Variants in DNAAF9 observed in about 807,000 individuals in gnomAD.
DNAAF9 encodes the protein shulin.
In DNAAF9, 90 loss-of-function variants were observed where a neutral mutation model predicts 167.0. The ratio of observed to expected loss-of-function variants is 0.54; its 90% CI spans 0.45 to 0.64. DNAAF9 has a LOEUF of 0.64. Among genes scored for constraint, DNAAF9 ranks in the 30% least tolerant of loss-of-function variants. The pLI, the probability that DNAAF9 is intolerant of heterozygous loss-of-function variation, is 0.00. For missense variants in DNAAF9, 1,315 were observed against 1,442.2 expected, an observed-to-expected ratio of 0.91 and a Z score of 1.43; for synonymous variants, 491 against 508.8, an observed-to-expected ratio of 0.96 and a Z score of 0.47.
At chr20:3,311,825 A>AGAC (rs1395292610) in intron 20 of DNAAF9, among the ~76,000 whole-genome samples, 1 of 152,224 alleles carries the variant, frequency 6.6e-6, no homozygotes, top group Non-Finnish European at 1.5e-5. Context: ...GCCTGGCCAC[A>AGAC]GACAGCAGGG....
At chr20:3,324,371 G>A (rs1295096063) in intron 14 of DNAAF9, among the ~76,000 whole-genome samples, 1 of 152,064 alleles carries the variant, frequency 6.6e-6, no homozygotes, top group Non-Finnish European at 1.5e-5. Context: ...AAGTGGACTG[G>A]GTTCATGAAG....
intron 15 of DNAAF9, 121 bp downstream of exon 15, chr20:3,322,531 C>T: frequency 1.2e-6 from 1 of 862,198 alleles, no homozygotes; most frequent in African/African-American, 1.6e-5. Context: ...AAGCCCAACC[C>T]TGGAGTGATG....
intron 9 of DNAAF9, among the ~76,000 whole-genome samples, chr20:3,343,184 C>G (rs2070121480): frequency 6.6e-6 from 1 of 152,212 alleles, no homozygotes; most frequent in African/African-American, 2.4e-5. Flanking sequence ...TATTTAGAAA[C>G]AGAGTTTCAC....
Position 3,259,549 on chromosome 20 carries a change from G to A in DNAAF9, c.2986C>T (p.Gln996Ter). The change falls in exon 33 of 37, where the codon CAG (glutamine) becomes TAG (stop). Residue 996 changes from glutamine to a stop codon, truncating the protein, a stop_gained. Coordinates refer to ENST00000252032, the MANE Select transcript of DNAAF9 (RefSeq NM_001009984.3). LOFTEE classifies it high-confidence loss of function. ...AAGGGACTTGGCTTGATGGAGGACT[G>A]AATTGCTGGTGGAAGAAGAGGACAG... ...TRFVAKCKAI[Q>*]SSIKPSPFSG... 1 of 1,609,884 alleles carries A rather than the reference G, an allele frequency of 6.2e-7. No homozygotes were observed. The highest frequency in any genetic ancestry group is 8.5e-7 in the Non-Finnish European group (1 of 1,176,120).
chr20:3,392,118 G>A lies in DNAAF9; in HGVS notation c.84-9612C>T, dbSNP rs187503833. 2.5e-3 allele frequency among the ~76,000 whole-genome samples: 378 copies of A among 152,232 alleles called. 1 individual carries two copies. The highest frequency in any genetic ancestry group is 8.3e-3 in the African/African-American group (345 of 41,526). The stretch of plus-strand genomic sequence containing the variant: ...GAGCCCAGGAGTTCCAGGCTGCATT[G>A]ATTGCACCACTGCACTCAAGCCTGG... On this transcript the variant is annotated intron_variant, in intron 1 of 36. Transcript: ENST00000252032.
chr20:3,369,985 T>A (rs982186085), intron 6 of DNAAF9, among the ~76,000 whole-genome samples: 1 of 152,162 alleles, frequency 6.6e-6, no homozygotes, highest in Non-Finnish European at 1.5e-5. Context: ...AAAAAAAAAA[T>A]TGATCTTTTT....
chr20:3,311,987 T>A (rs1181514120), intron 20 of DNAAF9, among the ~76,000 whole-genome samples: 1 of 118,466 alleles, frequency 8.4e-6, no homozygotes, highest in Non-Finnish European at 1.9e-5. Context: ...CTCTTTTTTC[T>A]TTTTTTTCTT....
intron 6 of DNAAF9, among the ~76,000 whole-genome samples, chr20:3,371,340 T>G (rs981066492): frequency 0.011 from 1,398 of 128,236 alleles, 69 homozygotes; most frequent in African/African-American, 0.04. Flanking sequence ...AATCTTTTTT[T>G]TTTTTTTTTT....
At chr20:3,278,486 C>T (rs569159494) in intron 29 of DNAAF9, among the ~76,000 whole-genome samples, 10 of 152,154 alleles carry the variant, frequency 6.6e-5, no homozygotes, top group South Asian at 2.1e-4. Flanking sequence ...TTTGGGAGGC[C>T]GAGGTGGGCG....
At position 3,318,346 on chromosome 20, in the gene DNAAF9, C is replaced by G; in HGVS notation, c.1411G>C (p.Gly471Arg). 1 of 1,607,200 alleles carries G rather than the reference C, an allele frequency of 6.2e-7. No homozygotes were observed. The highest frequency in any genetic ancestry group is 8.5e-7 in the Non-Finnish European group (1 of 1,174,314). The change falls in exon 17 of 37, where the codon GGA (glycine) becomes CGA (arginine). Residue 471 changes from glycine to arginine, a missense_variant. Around this residue, in one of 2 missense-constraint regions of DNAAF9, gnomAD observed 981 missense variants for 1,012.5 expected, o/e 0.97. Coordinates refer to ENST00000252032, the MANE Select transcript of DNAAF9 (RefSeq NM_001009984.3). ...AATGATTCAGAGAAAACCACAGATC[C>G]TAAACAACCATTGCCTCCCAGTAAG... Reference protein sequence around the residue: ...PDLLGGNGCLGSVVFSESFLT... With the variant: ...PDLLGGNGCLRSVVFSESFLT...
At chr20:3,264,636 C>T in intron 30 of DNAAF9, 112 bp from the exon 31 acceptor site, 1 of 672,152 alleles carries the variant, frequency 1.5e-6, no homozygotes, top group Non-Finnish European at 2.7e-6. Flanking sequence ...GTGGTGCAAT[C>T]TTGGCTCATT....
intron 26 of DNAAF9, among the ~76,000 whole-genome samples, chr20:3,288,651 A>G (rs143895904): frequency 4.6e-5 from 7 of 152,088 alleles, no homozygotes; most frequent in Admixed American, 2.0e-4. Context: ...CAGGCTTCCA[A>G]ATTTCTTTAC....
chr20:3,286,660 G>A (rs1010426776), intron 27 of DNAAF9, among the ~76,000 whole-genome samples: 3 of 152,124 alleles, frequency 2.0e-5, no homozygotes, highest in Non-Finnish European at 2.9e-5. Context: ...AACAAGGCTC[G>A]AAAGGGAAAG....
intron 6 of DNAAF9, among the ~76,000 whole-genome samples, chr20:3,363,931 C>G (rs2083397521): frequency 6.6e-6 from 1 of 151,986 alleles, no homozygotes. Flanking sequence ...TATTTCTCAT[C>G]TTAGATATTG....
At chr20:3,285,095 A>C (rs2068827938) in intron 27 of DNAAF9, among the ~76,000 whole-genome samples, 2 of 152,154 alleles carry the variant, frequency 1.3e-5, no homozygotes, top group Non-Finnish European at 2.9e-5. Context: ...AAAATACATA[A>C]ATTCAATTTT....
chr20:3,323,776 A>C (rs2069662028), intron 14 of DNAAF9, among the ~76,000 whole-genome samples: 1 of 152,220 alleles, frequency 6.6e-6, no homozygotes, highest in African/African-American at 2.4e-5. Context: ...CAAGGGCCCA[A>C]GTAAAGGAGA....
chr20:3,383,720 C>T (rs1258203707), intron 1 of DNAAF9, among the ~76,000 whole-genome samples: 1 of 152,082 alleles, frequency 6.6e-6, no homozygotes, highest in Non-Finnish European at 1.5e-5. Context: ...CACTGCCTTA[C>T]TCTCACCTCA....
intron 24 of DNAAF9, 105 bp from the exon 25 acceptor site, chr20:3,294,361 G>C: frequency 1.2e-6 from 1 of 854,480 alleles, no homozygotes; most frequent in Non-Finnish European, 1.9e-6. Context: ...ATAAACCTTG[G>C]AGAGATTCTC....
chr20:3,253,937 C>G, intron 35 of DNAAF9, 118 bp from the exon 36 acceptor site: 4 of 648,166 alleles, frequency 6.2e-6, no homozygotes, highest in Non-Finnish European at 1.1e-5. Flanking sequence ...TACAGAGGAG[C>G]TAGGAAGCTA....
Sources: gnomAD v4.1 joint callset for allele counts (sites outside exome capture counted in the v4.1 genomes callset) on GRCh38, gnomAD v4.1.1 for gene constraint, gnomAD v4.1.1 regional missense constraint, MANE v1.5 for transcripts, NCBI Gene and HGNC (gene_info 2026-07-23, HGNC 2026-07-21) for gene names.